CRACR2B: variants seen among roughly 807,000 people sequenced by gnomAD.
CRACR2B encodes the protein calcium release activated channel regulator 2B.
In CRACR2B, 50 loss-of-function variants were observed where a neutral mutation model predicts 46.0. The ratio of observed to expected loss-of-function variants is 1.09; its 90% CI spans 0.87 to 1.38. CRACR2B has a LOEUF of 1.38. Ranked by LOEUF, CRACR2B falls within the 40% of genes most tolerant of loss-of-function variation. CRACR2B has a pLI of 0.00. For missense variants in CRACR2B, 667 were observed against 535.0 expected, an observed-to-expected ratio of 1.25 and a Z score of -2.43; for synonymous variants, 277 against 239.6, an observed-to-expected ratio of 1.16 and a Z score of -1.44.
At chr11:829,760 G>A (rs1293517412) in intron 3 of CRACR2B, 2 of 1,032,582 alleles carry the variant, frequency 1.9e-6, no homozygotes, top group Non-Finnish European at 2.7e-6. Flanking sequence ...AGGAGGGGCA[G>A]CGCCGGGCGC....
chr11:827,853 G>C (rs770198572), upstream of CRACR2B: 1 of 152,492 alleles, frequency 6.6e-6, no homozygotes, highest in Non-Finnish European at 1.5e-5. Flanking sequence ...TGGTTAGGGG[G>C]CGGGGCGTCC....
intron 3 of CRACR2B, 116 bp from the exon 4 acceptor site, chr11:829,870 C>T (rs1198604389): frequency 7.0e-7 from 1 of 1,435,832 alleles, no homozygotes; most frequent in East Asian, 2.5e-5. Flanking sequence ...CTGCACGCAG[C>T]AAGTGCTCCT....
rs1381022901 is a variant in CRACR2B at position 828,848 on chromosome 11, C to A, written c.166-4C>A. On this transcript the variant is annotated splice_region_variant and splice_polypyrimidine_tract_variant and intron_variant, in intron 1 of 8. Transcript: ENST00000525077. ...GCTCATCTCTGCTCTCCTTCCCCGA[C>A]CAGGGTCTCCAGAGCGACCTGCCCC... The A allele has an allele frequency of 1.5e-5, 24 of 1,610,718 alleles. No individual in the cohort carries two copies. The highest frequency in any genetic ancestry group is 2.0e-5 in the Non-Finnish European group (24 of 1,179,508).
In CRACR2B at chr11:830,080, T is replaced by G. The variant is rs983763884; in HGVS notation, c.553T>G (p.Cys185Gly). The G allele has an allele frequency of 1.3e-6, 2 of 1,548,256 alleles. No individual in the cohort carries two copies. Among genetic ancestry groups the G allele is most frequent in the East Asian group, 2.4e-5 (1 of 41,794 alleles). The change falls in exon 4 of 9, where the codon TGC becomes GGC. Residue 185 changes from cysteine to glycine, a missense_variant. By Grantham distance (159) the Cys-to-Gly change is radical. Transcript: ENST00000525077. Reference protein sequence around the residue: ...FEDVLIRASACLEEAARERDG... With the variant: ...FEDVLIRASAGLEEAARERDG... ...GGATGTTCTGATACGCGCGTCGGCC[T>G]GCCTGGAGGAGGCGGCCCGGGAGCG...
chr11:829,635 G>A lies in CRACR2B; in HGVS notation c.458+95G>A. 5.3e-6 allele frequency: 7 copies of A among 1,327,312 alleles called. No homozygotes were observed. The South Asian group carries it at 9.1e-5, about 17-fold the overall frequency. 82.2% of individuals were successfully genotyped at this position (1,327,312 alleles called of 1,614,324 possible). Reference sequence around the variant, plus strand: ...GTCACCCGAGTGCTGGTTCTGCACAGGGTCTCTAGGCCGGGTCAGGCCCAG... The same window carrying A: ...GTCACCCGAGTGCTGGTTCTGCACAAGGTCTCTAGGCCGGGTCAGGCCCAG... On this transcript the variant is annotated intron_variant, in intron 3 of 8. Coordinates refer to ENST00000525077, the MANE Select transcript of CRACR2B (RefSeq NM_001286606.2).
chr11:830,995 G>C lies in CRACR2B; in HGVS notation c.916G>C (p.Glu306Gln). Residue 306 changes from glutamate (E) to glutamine (Q), a missense_variant, in exon 7 of 9, where the codon GAG becomes CAG. Physicochemically the swap from Glu to Gln is conservative, Grantham distance 29. Transcript: ENST00000525077. The part of the protein sequence containing the change: ...EGAQEQIRRL[E>Q]SEARGRQEQT... ...GGCGCAGGAGCAGATCCGCAGGCTG[G>C]AGAGCGAAGCACGAGGCCGCCAGGA... 2 of 1,533,872 alleles carry C rather than the reference G, an allele frequency of 1.3e-6. No homozygotes were observed. Among genetic ancestry groups the C allele is most frequent in the Non-Finnish European group, 1.7e-6 (2 of 1,146,640 alleles).
upstream of CRACR2B, chr11:827,562 G>C: frequency 2.0e-6 from 2 of 984,988 alleles, no homozygotes; most frequent in Non-Finnish European, 2.4e-6. Flanking sequence ...GCTGCCGCGC[G>C]GCTTCCGGCT....
At chr11:828,821 C>A in intron 1 of CRACR2B, 31 bp from the exon 2 acceptor site, 1 of 1,611,410 alleles carries the variant, frequency 6.2e-7, no homozygotes, top group Non-Finnish European at 8.5e-7. Context: ...TTGACCGCAG[C>A]GGCTCATCTC....
intron 5 of CRACR2B, 141 bp downstream of exon 5, chr11:830,478 T>G (rs907614742): frequency 6.5e-6 from 10 of 1,536,964 alleles, no homozygotes; most frequent in South Asian, 1.2e-5. Flanking sequence ...GAGATCCCAC[T>G]GGGCCTCACG....
chr11:831,991 G>A (rs985776864), downstream of CRACR2B: 2 of 470,332 alleles, frequency 4.3e-6, no homozygotes, highest in Non-Finnish European at 7.5e-6. Context: ...ACTGCACTGC[G>A]TCCTCCTGGG....
At position 831,272 on chromosome 11, in the gene CRACR2B, G is replaced by C. The variant is rs1322936660; in HGVS notation, c.1002G>C (p.Leu334=). Residue 334 remains leucine, a synonymous_variant, in exon 8 of 9, where the codon CTG becomes CTC. Transcript: ENST00000525077. ...SRNMQKEKVS[L]LRQLELLREL... ...ACATGCAGAAAGAGAAAGTCAGCCT[G>C]CTACGGCAACTGGAGCTGCTCAGGT... 1.9e-6 allele frequency: 3 copies of C among 1,611,296 alleles called. No individual in the cohort carries two copies. Among genetic ancestry groups the C allele is most frequent in the Non-Finnish European group, 2.5e-6 (3 of 1,179,474 alleles).
At chr11:829,165 T>C in intron 2 of CRACR2B, 195 bp from the exon 3 acceptor site, 1 of 1,314,856 alleles carries the variant, frequency 7.6e-7, no homozygotes, top group Non-Finnish European at 1.0e-6. Context: ...CCCCAGCTCC[T>C]CTCCTGTGCT....
chr11:829,370 G>C lies in CRACR2B; in HGVS notation c.288G>C (p.Val96=), dbSNP rs765101154. 14 of 1,606,414 alleles carry C rather than the reference G, an allele frequency of 8.7e-6. No homozygotes were observed. In the South Asian group the frequency reaches 1.3e-4, roughly 15 times the overall value. ...GCTCCATGCCCGCAGGGATGTTTGT[G>C]GGGGTGGCGTCAGCCCAGGGAGCGA... ...REFCLGLGMF[V]GVASAQGANP... The change falls in exon 3 of 9, where the codon GTG becomes GTC. Residue 96 remains valine, a synonymous_variant. Transcript: ENST00000525077.
rs201370893 is a variant in CRACR2B, at chr11:831,568, C to T, written c.1059C>T (p.Asp353=). 6.6e-4 allele frequency: 1,058 copies of T among 1,597,606 alleles called. 8 individuals carry two copies. Among genetic ancestry groups the T allele is most frequent in the African/African-American group, 3.3e-4 (24 of 73,770 alleles). The change falls in exon 9 of 9, where the codon GAC becomes GAT. Residue 353 remains aspartate (D), a synonymous_variant. Coordinates refer to ENST00000525077, the MANE Select transcript of CRACR2B (RefSeq NM_001286606.2). ...ATACACGGCTGCGGGATGACAGGGA[C>T]GCCTGCGAGGCCAGGCGGGCGGGCA... ...ELNTRLRDDR[D]ACEARRAGSS...
Position 831,002 on chromosome 11 carries a change from A to T in CRACR2B, c.923A>T (p.Glu308Val). The T allele has an allele frequency of 6.5e-7, 1 of 1,533,840 alleles. No homozygotes were observed. The highest frequency in any genetic ancestry group is 8.7e-7 in the Non-Finnish European group (1 of 1,146,626). The change falls in exon 7 of 9, where the codon GAA (glutamate) becomes GTA (valine). Residue 308 changes from glutamate (E) to valine (V), a missense_variant. Physicochemically the swap from Glu to Val is moderately radical, Grantham distance 121. Transcript: ENST00000525077. ...GAGCAGATCCGCAGGCTGGAGAGCG[A>T]AGCACGAGGCCGCCAGGAGCAAACC... ...AQEQIRRLES[E>V]ARGRQEQTQR...
rs368569122 is a variant in CRACR2B, at chr11:828,845, C to T, written c.166-7C>T. The T allele has an allele frequency of 1.7e-5, 27 of 1,610,860 alleles. No homozygotes were observed. The highest frequency in any genetic ancestry group is 4.5e-5 in the East Asian group (2 of 44,896). On this transcript the variant is annotated splice_region_variant and splice_polypyrimidine_tract_variant and intron_variant, in intron 1 of 8. Transcript: ENST00000525077. ...GCGGCTCATCTCTGCTCTCCTTCCC[C>T]GACCAGGGTCTCCAGAGCGACCTGC...
chr11:831,713 G>GC lies in CRACR2B; in HGVS notation c.*8dup. ...CCACCTTCCCAGTGCCCGGTGACCA[G>GC]CCCCGAGTGACTCACGGACCATGAG... On this transcript the variant is annotated 3_prime_UTR_variant, in exon 9 of 9. Transcript: ENST00000525077. The GC allele has an allele frequency of 6.6e-7, 1 of 1,504,288 alleles. No homozygotes were observed. Among genetic ancestry groups the GC allele is most frequent in the Non-Finnish European group, 8.8e-7 (1 of 1,136,678 alleles). 93.2% of individuals were successfully genotyped at this position (1,504,288 alleles called of 1,614,324 possible).
Position 828,696 on chromosome 11 carries a change from T to C in CRACR2B, c.89T>C (p.Ile30Thr). The change falls in exon 1 of 9, where the codon ATA (isoleucine) becomes ACA (threonine). Residue 30 changes from isoleucine (I) to threonine (T), a missense_variant. Physicochemically the swap from Ile to Thr is moderately conservative, Grantham distance 89. Coordinates refer to ENST00000525077, the MANE Select transcript of CRACR2B (RefSeq NM_001286606.2). The part of the protein sequence containing the change: ...EGGSAGPRAA[I>T]LEQAEELFLL... ...GGCTCTGCAGGGCCGCGGGCTGCAA[T>C]ACTGGAGCAGGCTGAGGAGCTGTTT... 6.2e-7 allele frequency: 1 copy of C among 1,612,372 alleles called. No individual in the cohort carries two copies. Among genetic ancestry groups the C allele is most frequent in the Non-Finnish European group, 8.5e-7 (1 of 1,179,570 alleles).
At chr11:831,369 G>A in intron 8 of CRACR2B, 74 bp downstream of exon 8, 1 of 1,534,998 alleles carries the variant, frequency 6.5e-7, no homozygotes, top group Non-Finnish European at 8.7e-7. Context: ...CAACATTCTT[G>A]GCTGCCGCTC....
Sources: allele counts gnomAD v4.1 joint callset, GRCh38; gene constraint gnomAD v4.1.1; transcripts MANE v1.5; gene names NCBI Gene and HGNC (gene_info 2026-07-23, HGNC 2026-07-21).